Variants in BBX observed in about 807,000 individuals in gnomAD.
BBX encodes BBX high mobility group box domain containing.
Under a neutral mutation model 100.2 loss-of-function variants are expected in BBX, and 30 were observed. The observed-to-expected ratio is 0.30, with a 90% CI of 0.22 to 0.41. The LOEUF (loss-of-function observed/expected upper bound fraction) is 0.41. Ranked by LOEUF, BBX falls within the 10% of genes least tolerant of loss-of-function variation. The pLI, the probability that BBX is intolerant of heterozygous loss-of-function variation, is 1.00. For synonymous variants in BBX, 376 were observed against 388.1 expected (o/e 0.97, Z 0.37); for missense variants, 1,023 against 1,129.8 (o/e 0.91, Z 1.35).
chr3:107,754,960 A>T (rs2065359620), intron 9 of BBX, among the ~76,000 whole-genome samples: 1 of 152,246 alleles, frequency 6.6e-6, no homozygotes. Flanking sequence ...GCAGAAGAGG[A>T]TGCAGTCAAT....
chr3:107,536,604 G>A (rs2048509523), intron 2 of BBX, among the ~76,000 whole-genome samples: 1 of 152,090 alleles, frequency 6.6e-6, no homozygotes, highest in African/African-American at 2.4e-5. Context: ...TAAACTTTAT[G>A]TCATTTGACA....
chr3:107,743,722 A>C (rs2107603565), intron 7 of BBX, among the ~76,000 whole-genome samples: 1 of 152,328 alleles, frequency 6.6e-6, no homozygotes, highest in South Asian at 2.1e-4. Flanking sequence ...TGCAGCTATT[A>C]AAATTACACT....
intron 2 of BBX, among the ~76,000 whole-genome samples, chr3:107,600,305 A>G (rs2053975232): frequency 6.6e-6 from 1 of 152,220 alleles, no homozygotes; most frequent in South Asian, 2.1e-4. Flanking sequence ...AAGAAGCCAC[A>G]TTGTTCTGTT....
intron 2 of BBX, among the ~76,000 whole-genome samples, chr3:107,545,263 T>C (rs1157833547): frequency 6.6e-6 from 1 of 152,236 alleles, no homozygotes; most frequent in Non-Finnish European, 1.5e-5. Context: ...AAAATGACTT[T>C]AAGCATCTAT....
chr3:107,779,822 G>C (rs2107836269), intron 13 of BBX, among the ~76,000 whole-genome samples: 1 of 151,908 alleles, frequency 6.6e-6, no homozygotes, highest in South Asian at 2.1e-4. Flanking sequence ...AACCAAACAG[G>C]GTCAATTTGA....
rs1426970069 is a variant in BBX, at chr3:107,805,918, G to A, written c.*461G>A. The A allele has an allele frequency of 1.3e-5, 2 of 157,930 alleles. No individual in the cohort carries two copies. Among genetic ancestry groups the A allele is most frequent in the Non-Finnish European group, 2.8e-5 (2 of 71,810 alleles). 9.8% of individuals were successfully genotyped at this position (157,930 alleles called of 1,614,324 possible). A position where few individuals can be genotyped will look rare whatever the true frequency, so the allele number is the denominator to read the frequency against. On this transcript the variant is annotated 3_prime_UTR_variant, in exon 18 of 18. Transcript: ENST00000325805. Reference sequence around the variant, plus strand: ...GATATTCTTAGTCTTTTTTGTACATGGAGATTTAAGTTTAAGATGGTTTAT... The same window carrying A: ...GATATTCTTAGTCTTTTTTGTACATAGAGATTTAAGTTTAAGATGGTTTAT...
intron 3 of BBX, among the ~76,000 whole-genome samples, chr3:107,662,111 CAAATT>C (rs1327483205): frequency 6.6e-6 from 1 of 152,094 alleles, no homozygotes. Context: ...AAAACAATGA[CAAATT>C]AAAAAGCTGA....
rs1005521727 is a variant in BBX at position 107,810,634 on chromosome 3, C to T, written c.*5177C>T. The T allele has an allele frequency of 1.3e-5, 2 of 152,238 alleles. No homozygotes were observed. Among genetic ancestry groups the T allele is most frequent in the Admixed American group, 1.3e-4 (2 of 15,284 alleles). 9.4% of individuals were successfully genotyped at this position (152,238 alleles called of 1,614,324 possible). A position where few individuals can be genotyped will look rare whatever the true frequency, so the allele number is the denominator to read the frequency against. ...CTGACTCCTCACATGAGTGCCTCAG[C>T]TCTAAGAGCCGTGGAACGGGGGGTA... On this transcript the variant is annotated 3_prime_UTR_variant, in exon 18 of 18. Coordinates refer to ENST00000325805, the MANE Select transcript of BBX (RefSeq NM_001142568.3).
At chr3:107,561,525 A>G (rs1285145317) in intron 2 of BBX, among the ~76,000 whole-genome samples, 2 of 152,140 alleles carry the variant, frequency 1.3e-5, no homozygotes, top group Admixed American at 6.5e-5. Flanking sequence ...TGGTGTATTC[A>G]CATGATGGAG....
At chr3:107,653,669 C>G (rs560082237) in intron 3 of BBX, among the ~76,000 whole-genome samples, 24 of 152,118 alleles carry the variant, frequency 1.6e-4, no homozygotes, top group Admixed American at 3.9e-4. Context: ...GTGTTCTTAA[C>G]ATTTACCGTA....
chr3:107,618,528 A>T (rs141392443), intron 2 of BBX, among the ~76,000 whole-genome samples: 5 of 152,150 alleles, frequency 3.3e-5, no homozygotes, highest in African/African-American at 9.6e-5. Flanking sequence ...CAAAAAAAGT[A>T]TTTAGTGCTA....
rs377696604 is a variant in BBX, at chr3:107,710,643, A to G, written c.162+21A>G. The G allele has an allele frequency of 1.9e-6, 3 of 1,563,512 alleles. No individual in the cohort carries two copies. The African/African-American group carries it at 4.1e-5, about 22-fold the overall frequency. On this transcript the variant is annotated intron_variant, in intron 4 of 17. Coordinates refer to ENST00000325805, the MANE Select transcript of BBX (RefSeq NM_001142568.3). ...ATAAGGTAAGTCCTATATTTACCAT[A>G]GAAGTTTCAAGTTTATTAGAGCAAA...
chr3:107,537,384 G>A (rs2048573999), intron 2 of BBX, among the ~76,000 whole-genome samples: 1 of 152,126 alleles, frequency 6.6e-6, no homozygotes, highest in Non-Finnish European at 1.5e-5. Flanking sequence ...CCAAACATAT[G>A]CCAATAAAAA....
intron 5 of BBX, among the ~76,000 whole-genome samples, chr3:107,728,490 A>C (rs2063110148): frequency 6.6e-6 from 1 of 152,300 alleles, no homozygotes; most frequent in East Asian, 1.9e-4. Context: ...CACCGAGGTC[A>C]GAAAGCTTTT....
In BBX at chr3:107,808,552, T is replaced by G. The variant is rs1231219851; in HGVS notation, c.*3095T>G. ...GGGTATTTCCTATGTAATTTTGAAG[T>G]GTGTAGAGTATATTATAGTAACTGA... is the stretch of plus-strand genomic sequence containing the variant. On this transcript the variant is annotated 3_prime_UTR_variant, in exon 18 of 18. Transcript: ENST00000325805. 2.0e-5 allele frequency: 3 copies of G among 152,162 alleles called. No individual in the cohort carries two copies. The highest frequency in any genetic ancestry group is 7.2e-5 in the African/African-American group (3 of 41,426). The allele number at this position is 152,162 out of a possible 1,614,324, so 9.4% of individuals were successfully genotyped here.
rs747572698 is a variant in BBX at position 107,716,866 on chromosome 3, A to G, written c.405+17A>G. The G allele has an allele frequency of 5.0e-6, 8 of 1,610,706 alleles. No individual in the cohort carries two copies. The highest frequency in any genetic ancestry group is 6.8e-6 in the Non-Finnish European group (8 of 1,177,414). On this transcript the variant is annotated intron_variant, in intron 5 of 17. Coordinates refer to ENST00000325805, the MANE Select transcript of BBX (RefSeq NM_001142568.3). ...GCCAAGGAGGTAGGTTACAATGACA[A>G]GGTATTCTGATAGCTAAAAGCAACC... is the stretch of plus-strand genomic sequence containing the variant.
At chr3:107,707,196 C>G (rs1222363268) in intron 3 of BBX, among the ~76,000 whole-genome samples, 1 of 152,166 alleles carries the variant, frequency 6.6e-6, no homozygotes, top group African/African-American at 2.4e-5. Flanking sequence ...AGGCCCTGTA[C>G]TAGGGGTTGC....
chr3:107,726,814 C>T (rs1372111428), intron 5 of BBX, among the ~76,000 whole-genome samples: 1 of 152,086 alleles, frequency 6.6e-6, no homozygotes, highest in Non-Finnish European at 1.5e-5. Context: ...ATACTCTTCT[C>T]TCTCCCCAAT....
intron 16 of BBX, among the ~76,000 whole-genome samples, chr3:107,799,369 G>T (rs776825091): frequency 1.3e-5 from 2 of 152,076 alleles, no homozygotes; most frequent in Admixed American, 6.5e-5. Context: ...TGAAAAATGA[G>T]TCTATTCTGC....
Sources: gnomAD v4.1 joint callset for allele counts (sites outside exome capture counted in the v4.1 genomes callset) on GRCh38, gnomAD v4.1.1 for gene constraint, MANE v1.5 for transcripts, NCBI Gene and HGNC (gene_info 2026-07-23, HGNC 2026-07-21) for gene names.